The following CACNA2D3 variants were observed in gnomAD, a reference collection of about 807,000 sequenced individuals.
The protein encoded by CACNA2D3 is calcium voltage-gated channel auxiliary subunit alpha2delta 3.
CACNA2D3 carries 60 observed loss-of-function variants against 160.6 expected under a neutral mutation model. That is an observed-to-expected ratio of 0.37 (90% confidence interval 0.30 to 0.46). The LOEUF is 0.46. CACNA2D3 is among the 20% of genes least tolerant of loss of function. The probability of loss-of-function intolerance (pLI) is 1.00; values close to 1 mark genes in which losing one functional copy is unlikely to be tolerated. For synonymous variants in CACNA2D3, 558 were observed against 492.9 expected (o/e 1.13, Z -1.75); for missense variants, 1,205 against 1,365.0 (o/e 0.88, Z 1.85).
intron 2 of CACNA2D3, among the ~76,000 whole-genome samples, chr3:54,267,021 C>A (rs1176175887): frequency 1.3e-5 from 2 of 152,004 alleles, no homozygotes; most frequent in African/African-American, 4.8e-5. Context: ...TGGGGGGAGG[C>A]TGTAACTAGT....
At position 55,025,265 on chromosome 3, in the gene CACNA2D3, T is replaced by C. The variant is rs77868896; in HGVS notation, c.2987+6948T>C. On this transcript the variant is annotated intron_variant, in intron 35 of 37. Coordinates refer to ENST00000474759, the MANE Select transcript of CACNA2D3 (RefSeq NM_018398.3). ...ATAACTACCTTTCATTCAGTAGGAATAGGAGGTCATTGCATTCCTGCTGTG... is the reference window on the plus strand; with the variant it reads ...ATAACTACCTTTCATTCAGTAGGAACAGGAGGTCATTGCATTCCTGCTGTG... 8.4e-3 allele frequency among the ~76,000 whole-genome samples: 1,277 copies of C among 152,266 alleles called. 22 individuals are homozygous for C. Among genetic ancestry groups the C allele is most frequent in the African/African-American group, 0.029 (1,200 of 41,548 alleles).
At chr3:54,702,390 C>G (rs1027470003) in intron 11 of CACNA2D3, among the ~76,000 whole-genome samples, 5 of 150,620 alleles carry the variant, frequency 3.3e-5, no homozygotes, top group Non-Finnish European at 7.4e-5. Flanking sequence ...CTATAAGGAA[C>G]TTAAACTTAA....
intron 12 of CACNA2D3, among the ~76,000 whole-genome samples, chr3:54,752,935 A>G (rs1213359135): frequency 7.4e-5 from 11 of 148,228 alleles, no homozygotes; most frequent in Non-Finnish European, 1.6e-4. Flanking sequence ...ATCTCAGCTC[A>G]CTGCAGACCA....
intron 2 of CACNA2D3, among the ~76,000 whole-genome samples, chr3:54,262,691 CAG>C (rs1320519036): frequency 2.0e-5 from 3 of 152,108 alleles, no homozygotes; most frequent in African/African-American, 7.2e-5. Flanking sequence ...CTGGGGGACA[CAG>C]GGGTAGTGAA....
At chr3:54,806,792 G>A (rs1703140280) in intron 13 of CACNA2D3, among the ~76,000 whole-genome samples, 1 of 152,012 alleles carries the variant, frequency 6.6e-6, no homozygotes, top group South Asian at 2.1e-4. Flanking sequence ...CACACTACCT[G>A]ACTTCAAACT....
intron 2 of CACNA2D3, among the ~76,000 whole-genome samples, chr3:54,129,583 A>G (rs1049497412): frequency 1.3e-5 from 2 of 152,232 alleles, no homozygotes; most frequent in Non-Finnish European, 2.9e-5. Flanking sequence ...CAAGAAATGG[A>G]TGGCTGTTCC....
At chr3:54,736,798 C>T (rs1701540730) in intron 11 of CACNA2D3, among the ~76,000 whole-genome samples, 1 of 152,108 alleles carries the variant, frequency 6.6e-6, no homozygotes, top group Admixed American at 6.5e-5. Context: ...TTTGGGGTCC[C>T]ACATGCCTTG....
chr3:54,532,364 A>T (rs1482440666), intron 5 of CACNA2D3, among the ~76,000 whole-genome samples: 1 of 152,218 alleles, frequency 6.6e-6, no homozygotes, highest in Non-Finnish European at 1.5e-5. Context: ...GTTTTGCTGC[A>T]TGGATACATT....
intron 27 of CACNA2D3, among the ~76,000 whole-genome samples, chr3:54,901,826 T>C (rs1334568087): frequency 1.3e-5 from 2 of 152,208 alleles, no homozygotes; most frequent in Non-Finnish European, 2.9e-5. Flanking sequence ...ACGAAGGCAG[T>C]GACCTCAAGA....
At chr3:54,596,250 G>A (rs184496068) in intron 9 of CACNA2D3, among the ~76,000 whole-genome samples, 1 of 152,066 alleles carries the variant, frequency 6.6e-6, no homozygotes, top group Admixed American at 6.5e-5. Context: ...CGCAGTTACT[G>A]TCATCATTGT....
At chr3:54,733,966 A>T (rs1243716094) in intron 11 of CACNA2D3, among the ~76,000 whole-genome samples, 1 of 152,168 alleles carries the variant, frequency 6.6e-6, no homozygotes, top group African/African-American at 2.4e-5. Flanking sequence ...AGATTGAAAA[A>T]AAAAAAGCAC....
intron 23 of CACNA2D3, among the ~76,000 whole-genome samples, chr3:54,887,673 A>G (rs533372714): frequency 1.6e-4 from 24 of 152,238 alleles, no homozygotes; most frequent in Admixed American, 5.2e-4. Flanking sequence ...CTGCTGGTCC[A>G]TGGCAGGAAC....
rs1439103650 is a variant in CACNA2D3, at chr3:54,503,579, A to C, written c.469A>C (p.Asn157His). 6.2e-7 allele frequency: 1 copy of C among 1,613,830 alleles called. No individual in the cohort carries two copies. Among genetic ancestry groups the C allele is most frequent in the African/African-American group, 1.3e-5 (1 of 75,048 alleles). The change falls in exon 5 of 38, where the codon AAT becomes CAT. Residue 157 changes from asparagine (N) to histidine (H), a missense_variant. Physicochemically the swap from Asn to His is moderately conservative, Grantham distance 68 (BLOSUM62 1). Coordinates refer to ENST00000474759, the MANE Select transcript of CACNA2D3 (RefSeq NM_018398.3). The stretch of plus-strand genomic sequence containing the variant: ...GGGAAAGGAATTCATCTTAGCCCCA[A>C]ATGACCATTTTAATAATTTGCCTGT... ...ELGKEFILAP[N>H]DHFNNLPVNI...
In CACNA2D3 at chr3:54,736,096, T is replaced by TAC. The variant is rs1160293812; in HGVS notation, c.1168-16502_1168-16501insCA. 1.3e-3 allele frequency among the ~76,000 whole-genome samples: 25 copies of TAC among 19,640 alleles called. 1 individual carries two copies. Among genetic ancestry groups the TAC allele is most frequent in the African/African-American group, 3.7e-3 (16 of 4,322 alleles). The allele number at this position is 19,640 out of a possible 152,430, so 12.9% of individuals were successfully genotyped here. A position where few individuals can be genotyped will look rare whatever the true frequency, so the allele number is the denominator to read the frequency against. On this transcript the variant is annotated intron_variant, in intron 11 of 37. Transcript: ENST00000474759. ...ATACATATATATGTATGTGTATATA[T>TAC]ATACATATATATGTATATATATACA...
intron 11 of CACNA2D3, among the ~76,000 whole-genome samples, chr3:54,726,789 A>G (rs921989856): frequency 6.6e-6 from 1 of 152,206 alleles, no homozygotes; most frequent in African/African-American, 2.4e-5. Context: ...ACTTAAACGT[A>G]AAACCTAGAA....
chr3:54,425,568 A>C (rs548704961), intron 4 of CACNA2D3, among the ~76,000 whole-genome samples: 1 of 152,134 alleles, frequency 6.6e-6, no homozygotes, highest in Non-Finnish European at 1.5e-5. Context: ...CCTCTCTCCA[A>C]CCCTCAGCTC....
At chr3:54,675,236 A>G (rs748037228) in intron 11 of CACNA2D3, among the ~76,000 whole-genome samples, 2 of 152,174 alleles carry the variant, frequency 1.3e-5, no homozygotes, top group African/African-American at 2.4e-5. Context: ...AGAATTTTCC[A>G]AGGACAGACA....
At chr3:54,352,398 C>A (rs1016526923) in intron 3 of CACNA2D3, among the ~76,000 whole-genome samples, 1 of 152,184 alleles carries the variant, frequency 6.6e-6, no homozygotes, top group African/African-American at 2.4e-5. Flanking sequence ...AGTATTATTA[C>A]CCCTACCAGA....
intron 11 of CACNA2D3, among the ~76,000 whole-genome samples, chr3:54,723,833 A>G (rs1236959980): frequency 6.6e-6 from 1 of 152,250 alleles, no homozygotes; most frequent in Non-Finnish European, 1.5e-5. Context: ...CTATTCAGCC[A>G]TCTTGCACTA....
Sources: gnomAD v4.1 joint callset for allele counts (sites outside exome capture counted in the v4.1 genomes callset) on GRCh38, gnomAD v4.1.1 for gene constraint, MANE v1.5 for transcripts, NCBI Gene and HGNC (gene_info 2026-07-23, HGNC 2026-07-21) for gene names.